The following SHCBP1 variants were observed in gnomAD, a reference collection of about 807,000 sequenced individuals.
SHCBP1 encodes SHC SH2 domain-binding protein 1.
In SHCBP1, 60 loss-of-function variants were observed where a neutral mutation model predicts 75.1. The observed-to-expected ratio is 0.80, with a 90% CI of 0.65 to 0.99. The LOEUF (loss-of-function observed/expected upper bound fraction) is 0.99. Ranked by LOEUF, SHCBP1 falls within the 50% of genes least tolerant of loss-of-function variation. The probability of loss-of-function intolerance (pLI) is 0.00; values close to 1 mark genes in which losing one functional copy is unlikely to be tolerated. For synonymous variants in SHCBP1, 290 were observed against 293.2 expected, an observed-to-expected ratio of 0.99 and a Z score of 0.11; for missense variants, 709 against 809.4, an observed-to-expected ratio of 0.88 and a Z score of 1.50.
chr16:46,599,721 G>T, intron 9 of SHCBP1, 110 bp downstream of exon 9: 3 of 356,840 alleles, frequency 8.4e-6, no homozygotes, highest in East Asian at 8.4e-5. Flanking sequence ...AATAAAACAA[G>T]GTATGCCTGT....
intron 10 of SHCBP1, among the ~76,000 whole-genome samples, chr16:46,592,932 C>T (rs938128875): frequency 7.5e-5 from 2 of 26,612 alleles, no homozygotes; most frequent in African/African-American, 2.5e-4. Context: ...AGTCAACATC[C>T]ACTTATGATA....
intron 10 of SHCBP1, among the ~76,000 whole-genome samples, chr16:46,594,981 C>A (rs946365429): frequency 1.3e-5 from 2 of 152,170 alleles, no homozygotes; most frequent in African/African-American, 2.4e-5. Flanking sequence ...GTGAGAAAAG[C>A]CAATCCCAAA....
intron 10 of SHCBP1, among the ~76,000 whole-genome samples, chr16:46,591,377 T>C (rs936173300): frequency 6.6e-6 from 1 of 152,096 alleles, no homozygotes; most frequent in Non-Finnish European, 1.5e-5. Context: ...CAGGTGTGGC[T>C]ATATTCACAT....
chr16:46,590,226 T>C (rs79109855), intron 10 of SHCBP1, among the ~76,000 whole-genome samples: 150,090 of 152,328 alleles, frequency 0.99, 73,968 homozygotes, highest in East Asian at 1. Flanking sequence ...TAGAAGAAAA[T>C]CTAGGCAATA....
Position 46,583,497 on chromosome 16 carries a change from T to G in SHCBP1, c.1693+19A>C. On this transcript the variant is annotated intron_variant, in intron 12 of 12. Transcript: ENST00000303383. ...AATAAATTATGTCTGGTTTTTATAT[T>G]AAAAATTACTAAATATACCTTCAGT... 6.3e-7 allele frequency: 1 copy of G among 1,576,804 alleles called. No homozygotes were observed. The highest frequency in any genetic ancestry group is 1.2e-5 in the South Asian group (1 of 84,308).
intron 4 of SHCBP1, 48 bp from the exon 5 acceptor site, chr16:46,608,437 A>G (rs1965357377): frequency 6.7e-6 from 9 of 1,339,904 alleles, no homozygotes; most frequent in Non-Finnish European, 8.6e-6. Context: ...GGCTCAAAAC[A>G]TTAGGATTTT....
intron 10 of SHCBP1, among the ~76,000 whole-genome samples, chr16:46,591,990 C>T (rs1965054323): frequency 6.6e-6 from 1 of 151,866 alleles, no homozygotes; most frequent in Admixed American, 6.6e-5. Context: ...TAAATGCTTA[C>T]ATTAGAAAAG....
chr16:46,604,167 T>A, intron 6 of SHCBP1, 24 bp from the exon 7 acceptor site: 3 of 1,613,250 alleles, frequency 1.9e-6, no homozygotes, highest in Non-Finnish European at 2.5e-6. Context: ...AACAGGCCTA[T>A]CAGTAAGACA....
At chr16:46,587,874 C>A (rs772439184) in intron 10 of SHCBP1, among the ~76,000 whole-genome samples, 1 of 152,184 alleles carries the variant, frequency 6.6e-6, no homozygotes, top group Non-Finnish European at 1.5e-5. Context: ...CTTCACAGCA[C>A]CACATCACAC....
intron 5 of SHCBP1, among the ~76,000 whole-genome samples, chr16:46,606,701 A>G (rs2143000916): frequency 6.6e-6 from 1 of 152,360 alleles, no homozygotes; most frequent in South Asian, 2.1e-4. Context: ...GCTATGGAAA[A>G]ATAGGAAATG....
intron 4 of SHCBP1, among the ~76,000 whole-genome samples, chr16:46,612,749 C>T (rs973168028): frequency 6.6e-6 from 1 of 152,114 alleles, no homozygotes; most frequent in Non-Finnish European, 1.5e-5. Context: ...TTCCATGACT[C>T]GGCTCCAATA....
Position 46,583,960 on chromosome 16 carries a change from C to G in SHCBP1, c.1551+43G>C, listed in dbSNP as rs756501209. ...AATAAAGCATAATTTGTAGGTAAAA[C>G]CATTCTATCCATTGAAAAGTGGGTG... On this transcript the variant is annotated intron_variant, in intron 11 of 12. Coordinates refer to ENST00000303383, the MANE Select transcript of SHCBP1 (RefSeq NM_024745.5). 41 of 1,502,246 alleles carry G rather than the reference C, an allele frequency of 2.7e-5. 1 individual carries two copies. Among genetic ancestry groups the G allele is most frequent in the Middle Eastern group, 1.7e-4 (1 of 5,856 alleles). The allele number at this position is 1,502,246 out of a possible 1,614,324, so 93.1% of individuals were successfully genotyped here. A position where few individuals can be genotyped will look rare whatever the true frequency, so the allele number is the denominator to read the frequency against.
At chr16:46,584,279 A>G in intron 10 of SHCBP1, 190 bp from the exon 11 acceptor site, 1 of 421,332 alleles carries the variant, frequency 2.4e-6, no homozygotes, top group Admixed American at 4.1e-5. Context: ...CAAGTTGTTG[A>G]CAATTTATCA....
At chr16:46,600,521 T>C (rs1451795739) in intron 8 of SHCBP1, among the ~76,000 whole-genome samples, 1 of 152,180 alleles carries the variant, frequency 6.6e-6, no homozygotes, top group African/African-American at 2.4e-5. Flanking sequence ...GTCAAAGAAC[T>C]TTAAAGCACT....
intron 10 of SHCBP1, among the ~76,000 whole-genome samples, chr16:46,592,974 A>AAAG (rs1567444478): frequency 6.8e-6 from 1 of 148,006 alleles, no homozygotes; most frequent in Non-Finnish European, 1.5e-5. Context: ...AAAAAAAAAA[A>AAAG]AAGCAGAAAT....
At chr16:46,619,868 C>T (rs1262300498) in intron 1 of SHCBP1, among the ~76,000 whole-genome samples, 1 of 152,068 alleles carries the variant, frequency 6.6e-6, no homozygotes, top group Non-Finnish European at 1.5e-5. Flanking sequence ...AACCCCGTCT[C>T]TACTAAAAAT....
At position 46,616,061 on chromosome 16, in the gene SHCBP1, A is replaced by C; in HGVS notation, c.481T>G (p.Cys161Gly). 1 of 1,614,148 alleles carries C rather than the reference A, an allele frequency of 6.2e-7. No homozygotes were observed. The highest frequency in any genetic ancestry group is 1.1e-5 in the South Asian group (1 of 91,084). The change falls in exon 4 of 13, where the codon TGC becomes GGC. Residue 161 changes from cysteine to glycine, a missense_variant. Cys to Gly is a radical substitution (Grantham distance 159). Transcript: ENST00000303383. This position sits in a 1 kb window ranked among gnomAD's most constrained non-coding sequence, Gnocchi z 4.4. Reference protein sequence around the residue: ...DSQVSTFTMECMKELLDLKEH... With the variant: ...DSQVSTFTMEGMKELLDLKEH... ...TTCAGATCAAGGAGCTCCTTCATGC[A>C]CTCCATGGTAAAAGTGCTCACTTGA... is the stretch of plus-strand genomic sequence containing the variant.
chr16:46,610,544 A>ATTCTTTTTTTTTTTTTTTT (rs1965396945), intron 4 of SHCBP1, among the ~76,000 whole-genome samples: 1 of 31,088 alleles, frequency 3.2e-5, no homozygotes, highest in Non-Finnish European at 5.7e-5. Context: ...CATGGGGTCA[A>ATTCTTTTTTTTTTTTTTTT]TTTTTTTTTT....
chr16:46,610,099 C>T (rs1408092981), intron 4 of SHCBP1, among the ~76,000 whole-genome samples: 4 of 151,750 alleles, frequency 2.6e-5, no homozygotes, highest in South Asian at 2.1e-4. Context: ...TACAGGCACC[C>T]GCCACCACGC....
Sources: gnomAD v4.1 joint callset for allele counts (sites outside exome capture counted in the v4.1 genomes callset) on GRCh38, gnomAD v4.1.1 for gene constraint, Gnocchi (gnomAD v3.1) non-coding constraint, MANE v1.5 for transcripts, NCBI Gene and HGNC (gene_info 2026-07-23, HGNC 2026-07-21) for gene names.